Variants in RIN3 observed in about 807,000 individuals in gnomAD.
RIN3 encodes RAB5 interacting protein 3.
In RIN3, 54 loss-of-function variants were observed where a neutral mutation model predicts 76.3. The ratio of observed to expected loss-of-function variants is 0.71; its 90% CI spans 0.57 to 0.89. The LOEUF (loss-of-function observed/expected upper bound fraction) is 0.89. Ranked by LOEUF, RIN3 falls within the 40% of genes least tolerant of loss-of-function variation. The probability of loss-of-function intolerance (pLI) is 0.00; values close to 1 mark genes in which losing one functional copy is unlikely to be tolerated. For missense variants in RIN3, 1,256 were observed against 1,322.1 expected, an observed-to-expected ratio of 0.95 and a Z score of 0.78; for synonymous variants, 576 against 564.0, an observed-to-expected ratio of 1.02 and a Z score of -0.30.
intron 1 of RIN3, among the ~76,000 whole-genome samples, chr14:92,535,334 C>CTT (rs5810602): frequency 1.0e-4 from 13 of 130,018 alleles, no homozygotes; most frequent in Non-Finnish European, 1.5e-4. Flanking sequence ...TTCTTTCTTT[C>CTT]TTTTTTTTTT....
chr14:92,525,972 C>A (rs543578509), intron 1 of RIN3, among the ~76,000 whole-genome samples: 1 of 152,208 alleles, frequency 6.6e-6, no homozygotes, highest in Non-Finnish European at 1.5e-5. Flanking sequence ...GCATGAGAGC[C>A]ACACAAAGCC....
chr14:92,529,243 CT>C (rs142593078), intron 1 of RIN3, among the ~76,000 whole-genome samples: 24 of 138,312 alleles, frequency 1.7e-4, no homozygotes, highest in South Asian at 4.2e-4. Context: ...CCAGATCAAC[CT>C]TTTTTTTTCT....
At chr14:92,528,841 G>A (rs898585167) in intron 1 of RIN3, among the ~76,000 whole-genome samples, 9 of 152,158 alleles carry the variant, frequency 5.9e-5, no homozygotes, top group South Asian at 2.1e-4. Flanking sequence ...CTCAGTGAGC[G>A]GTTCGCGGGA....
chr14:92,659,571 T>C (rs1301822962), intron 7 of RIN3, 102 bp downstream of exon 7: 16 of 1,151,418 alleles, frequency 1.4e-5, no homozygotes, highest in Middle Eastern at 2.1e-4. Flanking sequence ...GGCCCCAGAC[T>C]TTCCAGATTC....
At chr14:92,576,253 T>C (rs1898225110) in intron 2 of RIN3, 8 of 1,286,892 alleles carry the variant, frequency 6.2e-6, no homozygotes, top group Admixed American at 2.3e-5. Flanking sequence ...ACAGCAGAGT[T>C]TGTGAAAGGC....
Position 92,619,435 on chromosome 14 carries a change from CTTTTTTTTT to C in RIN3, c.440+3970_440+3978del, listed in dbSNP as rs33981976. ...TGCATGTAAAACTGTTTCTAGTAGTCTTTTTTTTTTTTTTTTTTTTTTGGGATGGAGTCT... is the reference window on the plus strand; with the variant it reads ...TGCATGTAAAACTGTTTCTAGTAGTCTTTTTTTTTTTTTGGGATGGAGTCT... On this transcript the variant is annotated intron_variant, in intron 4 of 9. Transcript: ENST00000216487. Among the ~76,000 whole-genome samples the C allele has an allele frequency of 5.5e-5, 4 of 73,150 alleles. No homozygotes were observed. The East Asian group carries it at 1.4e-3, about 25-fold the overall frequency. 48.0% of individuals were successfully genotyped at this position (73,150 alleles called of 152,430 possible). A position where few individuals can be genotyped will look rare whatever the true frequency, so the allele number is the denominator to read the frequency against.
intron 1 of RIN3, among the ~76,000 whole-genome samples, chr14:92,522,014 A>C (rs1024983247): frequency 6.6e-6 from 1 of 151,402 alleles, no homozygotes; most frequent in African/African-American, 2.4e-5. Flanking sequence ...TGTGTGTGGG[A>C]GCCCTAAGAA....
intron 2 of RIN3, chr14:92,576,225 C>A: frequency 7.8e-7 from 1 of 1,274,662 alleles, no homozygotes; most frequent in Non-Finnish European, 1.0e-6. Flanking sequence ...CCTGCCAAGA[C>A]TCAAAGGACA....
At chr14:92,597,851 CTT>C (rs1173588262) in intron 3 of RIN3, among the ~76,000 whole-genome samples, 3 of 152,178 alleles carry the variant, frequency 2.0e-5, no homozygotes, top group African/African-American at 7.2e-5. Flanking sequence ...TTTACTGAGA[CTT>C]TGCTGGGTGC....
intron 8 of RIN3, among the ~76,000 whole-genome samples, chr14:92,684,762 G>C (rs1888788846): frequency 6.6e-6 from 1 of 152,170 alleles, no homozygotes; most frequent in Non-Finnish European, 1.5e-5. Context: ...CCAGTGAAAA[G>C]TTTTGAGCAG....
chr14:92,646,972 G>C (rs934460880), intron 5 of RIN3, among the ~76,000 whole-genome samples: 7 of 152,236 alleles, frequency 4.6e-5, no homozygotes, highest in African/African-American at 1.7e-4. Context: ...GTCTAGTTAA[G>C]GCTAAAGATT....
At chr14:92,574,613 G>A (rs982842553) in intron 2 of RIN3, among the ~76,000 whole-genome samples, 5 of 152,114 alleles carry the variant, frequency 3.3e-5, no homozygotes, top group African/African-American at 9.7e-5. Context: ...GCTCAGCAGA[G>A]GACTCTGTTA....
intron 3 of RIN3, among the ~76,000 whole-genome samples, chr14:92,580,786 C>G (rs369480997): frequency 1.1e-4 from 17 of 152,296 alleles, no homozygotes; most frequent in African/African-American, 3.8e-4. Flanking sequence ...GTCTTCCTGC[C>G]AAGGCCTAGG....
At chr14:92,521,466 A>G (rs8018997) in intron 1 of RIN3, among the ~76,000 whole-genome samples, 9,986 of 152,092 alleles carry the variant, frequency 0.066, 1,087 homozygotes, top group African/African-American at 0.23. Flanking sequence ...ATGGGGGCAG[A>G]TCCATCATGA....
At chr14:92,525,567 G>A (rs1232520196) in intron 1 of RIN3, among the ~76,000 whole-genome samples, 1 of 152,142 alleles carries the variant, frequency 6.6e-6, no homozygotes, top group Non-Finnish European at 1.5e-5. Flanking sequence ...GAGGGAATGG[G>A]GCCCACTAGG....
chr14:92,586,839 A>G (rs897760009), intron 3 of RIN3, among the ~76,000 whole-genome samples: 5 of 152,246 alleles, frequency 3.3e-5, no homozygotes, highest in African/African-American at 1.2e-4. Context: ...ACTCTGGGTC[A>G]TCAAAACCAA....
chr14:92,658,684 A>G (rs930089946), intron 6 of RIN3, among the ~76,000 whole-genome samples: 1 of 152,214 alleles, frequency 6.6e-6, no homozygotes, highest in African/African-American at 2.4e-5. Context: ...GTGATAAAAA[A>G]GTAAGGTTCT....
At chr14:92,639,581 G>A (rs527586814) in intron 4 of RIN3, among the ~76,000 whole-genome samples, 4 of 152,324 alleles carry the variant, frequency 2.6e-5, no homozygotes, top group African/African-American at 9.6e-5. Context: ...CTGGGGCCCT[G>A]GCAGTGCCAC....
chr14:92,553,497 T>A (rs1421827823), intron 1 of RIN3, among the ~76,000 whole-genome samples: 1 of 152,108 alleles, frequency 6.6e-6, no homozygotes, highest in African/African-American at 2.4e-5. Flanking sequence ...AATGAGATTG[T>A]TCGGCCTCAA....
Sources: allele counts gnomAD v4.1 joint callset (sites outside exome capture counted in the v4.1 genomes callset), GRCh38; gene constraint gnomAD v4.1.1; transcripts MANE v1.5; gene names NCBI Gene and HGNC (gene_info 2026-07-23, HGNC 2026-07-21).